Variants in C11orf86 observed in about 807,000 individuals in gnomAD.
C11orf86 encodes the protein uncharacterized protein C11orf86.
A neutral mutation model predicts 11.1 loss-of-function variants in C11orf86; 13 were observed. That is an observed-to-expected ratio of 1.17 (90% CI 0.76 to 1.86). The LOEUF (loss-of-function observed/expected upper bound fraction) is 1.86, where lower values mean the gene tolerates loss of function less well. C11orf86 is among the 40% of genes most tolerant of loss of function. C11orf86 has a pLI of 0.00. For synonymous variants in C11orf86, 86 were observed against 64.7 expected, an observed-to-expected ratio of 1.33 and a Z score of -1.58; for missense variants, 144 against 146.5, an observed-to-expected ratio of 0.98 and a Z score of 0.09.
rs776844551 is a variant in C11orf86, at chr11:66,976,218, C to T, written c.318C>T (p.Pro106=). ...GGGAGAGCTTTGTCGCCATCTTCCC[C>T]AGCGTGACTCTGAGTCAGCCGGCCT... ...RRWESFVAIF[P]SVTLSQPASP Residue 106 remains proline, a synonymous_variant, in exon 2 of 2, where the codon CCC becomes CCT. Coordinates refer to ENST00000683896, the MANE Select transcript of C11orf86 (RefSeq NM_001353554.2). 1.2e-5 allele frequency: 18 copies of T among 1,551,282 alleles called. No homozygotes were observed. Among genetic ancestry groups the T allele is most frequent in the Middle Eastern group, 3.3e-4 (2 of 6,014 alleles).
At position 66,976,219 on chromosome 11, in the gene C11orf86, A is replaced by C; in HGVS notation, c.319A>C (p.Ser107Arg). ...GGAGAGCTTTGTCGCCATCTTCCCC[A>C]GCGTGACTCTGAGTCAGCCGGCCTC... ...RWESFVAIFPSVTLSQPASP is the reference protein window; with the variant it reads ...RWESFVAIFPRVTLSQPASP The change falls in exon 2 of 2, where the codon AGC (serine) becomes CGC (arginine). Residue 107 changes from serine (S) to arginine (R), a missense_variant. Coordinates refer to ENST00000683896, the MANE Select transcript of C11orf86 (RefSeq NM_001353554.2). 1 of 1,551,392 alleles carries C rather than the reference A, an allele frequency of 6.4e-7. No homozygotes were observed. Among genetic ancestry groups the C allele is most frequent in the African/African-American group, 1.4e-5 (1 of 73,164 alleles).
In C11orf86 at chr11:66,975,405, C is replaced by T. The variant is rs1949779174; in HGVS notation, c.43C>T (p.Pro15Ser). ...AAGTCAGTCCTTGCGAGAGCCCCGA[C>T]CCTCCTATGGAAAGCTGCAGGAGCC... ...LRSQSLREPR[P>S]SYGKLQEPWG... is the part of the protein sequence containing the mutation. The change falls in exon 1 of 2, where the codon CCC becomes TCC. Residue 15 changes from proline (P) to serine (S), a missense_variant. Transcript: ENST00000683896. 1 of 1,550,856 alleles carries T rather than the reference C, an allele frequency of 6.4e-7. No individual in the cohort carries two copies.
intron 1 of C11orf86, 34 bp downstream of exon 1, chr11:66,975,672 C>T: frequency 6.5e-7 from 1 of 1,534,974 alleles, no homozygotes; most frequent in Non-Finnish European, 8.8e-7. Context: ...GAGGGTACCA[C>T]AGCAGGTGGG....
At chr11:66,975,936 G>A (rs1444837528) in intron 1 of C11orf86, among the ~76,000 whole-genome samples, 1 of 152,158 alleles carries the variant, frequency 6.6e-6, no homozygotes, top group Non-Finnish European at 1.5e-5. Flanking sequence ...TAGAGCAGGA[G>A]GCAAGGAGAT....
rs919760750 is a variant in C11orf86 at position 66,976,579 on chromosome 11, G to T, written c.*328G>T. The stretch of plus-strand genomic sequence containing the variant: ...TTTAGAAGAAGCCTGCCCGGAATGG[G>T]GGCTGTGGACGCTCCTGCCCCACAC... On this transcript the variant is annotated 3_prime_UTR_variant, in exon 2 of 2. Coordinates refer to ENST00000683896, the MANE Select transcript of C11orf86 (RefSeq NM_001353554.2). 4 of 325,368 alleles carry T rather than the reference G, an allele frequency of 1.2e-5. No homozygotes were observed. The highest frequency in any genetic ancestry group is 8.5e-5 in the Admixed American group (2 of 23,632). The allele number at this position is 325,368 out of a possible 1,614,324, so 20.2% of individuals were successfully genotyped here.
At chr11:66,976,092 T>C in intron 1 of C11orf86, 85 bp from the exon 2 acceptor site, 1 of 1,329,642 alleles carries the variant, frequency 7.5e-7, no homozygotes, top group Non-Finnish European at 1.1e-6. Context: ...CTACCTGGGG[T>C]CTACCCCCAC....
chr11:66,975,554 G>A lies in C11orf86; in HGVS notation c.192G>A (p.Arg64=), dbSNP rs776069089. Reference sequence around the variant, plus strand: ...GGCCAGATGCCACTGCCCAGGAGCGGGTGCCGGGGAGCCTGGGGGACACAG... The same window carrying A: ...GGCCAGATGCCACTGCCCAGGAGCGAGTGCCGGGGAGCCTGGGGGACACAG... ...TEGPDATAQE[R]VPGSLGDTEQ... is the part of the protein sequence containing the mutation. The change falls in exon 1 of 2, where the codon CGG becomes CGA. Residue 64 remains arginine (R), a synonymous_variant. Transcript: ENST00000683896. The A allele has an allele frequency of 1.2e-5, 18 of 1,551,412 alleles. No homozygotes were observed. The South Asian group carries it at 1.9e-4, about 16-fold the overall frequency.
At position 66,975,566 on chromosome 11, in the gene C11orf86, C is replaced by T. The variant is rs1949782222; in HGVS notation, c.204C>T (p.Ser68=). ...CTGCCCAGGAGCGGGTGCCGGGGAG[C>T]CTGGGGGACACAGAGCAGCTGATCC... is the stretch of plus-strand genomic sequence containing the variant. ...DATAQERVPG[S]LGDTEQLIQA... The change falls in exon 1 of 2, where the codon AGC becomes AGT. Residue 68 remains serine, a synonymous_variant. Coordinates refer to ENST00000683896, the MANE Select transcript of C11orf86 (RefSeq NM_001353554.2). The T allele has an allele frequency of 6.4e-7, 1 of 1,551,440 alleles. No individual in the cohort carries two copies. Among genetic ancestry groups the T allele is most frequent in the Non-Finnish European group, 8.7e-7 (1 of 1,146,910 alleles).
At position 66,976,327 on chromosome 11, in the gene C11orf86, T is replaced by C. The variant is rs968245531; in HGVS notation, c.*76T>C. On this transcript the variant is annotated 3_prime_UTR_variant, in exon 2 of 2. Coordinates refer to ENST00000683896, the MANE Select transcript of C11orf86 (RefSeq NM_001353554.2). ...TTGCTGTGCCTGGACCAGCCCACCGTGTCTGCTGACCTACCTCTTCACAGC... is the reference window on the plus strand; with the variant it reads ...TTGCTGTGCCTGGACCAGCCCACCGCGTCTGCTGACCTACCTCTTCACAGC... 2.3e-5 allele frequency: 34 copies of C among 1,455,942 alleles called. No individual in the cohort carries two copies. Among genetic ancestry groups the C allele is most frequent in the Non-Finnish European group, 3.1e-5 (33 of 1,069,208 alleles). The allele number at this position is 1,455,942 out of a possible 1,614,324, so 90.2% of individuals were successfully genotyped here.
Position 66,975,476 on chromosome 11 carries a change from C to T in C11orf86, c.114C>T (p.Leu38=). 2 of 1,551,388 alleles carry T rather than the reference C, an allele frequency of 1.3e-6. No homozygotes were observed. The highest frequency in any genetic ancestry group is 1.7e-6 in the Non-Finnish European group (2 of 1,146,924). Residue 38 remains leucine (L), a synonymous_variant, in exon 1 of 2, where the codon CTC becomes CTT. Coordinates refer to ENST00000683896, the MANE Select transcript of C11orf86 (RefSeq NM_001353554.2). Reference sequence around the variant, plus strand: ...GCCAACTCCGCAGGGCGCTAAGCCTCAGACAGGGGCAAGAGAAGTCCAGGT... The same window carrying T: ...GCCAACTCCGCAGGGCGCTAAGCCTTAGACAGGGGCAAGAGAAGTCCAGGT... ...QEGQLRRALS[L]RQGQEKSRSQ...
At chr11:66,975,783 A>G in intron 1 of C11orf86, 145 bp downstream of exon 1, 2 of 1,258,344 alleles carry the variant, frequency 1.6e-6, no homozygotes, top group Non-Finnish European at 1.1e-6. Context: ...AGAGAGAGAC[A>G]CCCCAGAGCC....
In C11orf86 at chr11:66,975,488, A is replaced by G. The variant is rs544040385; in HGVS notation, c.126A>G (p.Gln42=). ...LRRALSLRQG[Q]EKSRSQGLER... is the part of the protein sequence containing the mutation. Reference sequence around the variant, plus strand: ...GGGCGCTAAGCCTCAGACAGGGGCAAGAGAAGTCCAGGTCCCAGGGCCTCG... The same window carrying G: ...GGGCGCTAAGCCTCAGACAGGGGCAGGAGAAGTCCAGGTCCCAGGGCCTCG... Residue 42 remains glutamine, a synonymous_variant, in exon 1 of 2, where the codon CAA becomes CAG. Transcript: ENST00000683896. 4,246 of 1,551,500 alleles carry G rather than the reference A, an allele frequency of 2.7e-3. 13 individuals are homozygous for G. Among genetic ancestry groups the G allele is most frequent in the Middle Eastern group, 4.0e-3 (24 of 5,986 alleles).
chr11:66,976,480 G>C lies in C11orf86; in HGVS notation c.*229G>C. On this transcript the variant is annotated 3_prime_UTR_variant, in exon 2 of 2. Coordinates refer to ENST00000683896, the MANE Select transcript of C11orf86 (RefSeq NM_001353554.2). ...TAGCTCTCTTTGAAGATCCCAGCAG[G>C]GTCAAAAAGAAGGGGGCTCAGCTGT... 1 of 568,336 alleles carries C rather than the reference G, an allele frequency of 1.8e-6. No homozygotes were observed. Among genetic ancestry groups the C allele is most frequent in the South Asian group, 2.3e-5 (1 of 44,294 alleles). 35.2% of individuals were successfully genotyped at this position (568,336 alleles called of 1,614,324 possible).
At position 66,975,398 on chromosome 11, in the gene C11orf86, GC is replaced by G; in HGVS notation, c.40del (p.Arg14AspfsTer23). 3 of 1,550,756 alleles carry G rather than the reference GC, an allele frequency of 1.9e-6. No homozygotes were observed. Among genetic ancestry groups the G allele is most frequent in the East Asian group, 4.9e-5 (2 of 40,908 alleles). ...TGLRSQSLRE[P>X]RPSYGKLQEP... ...GGCTGCGAAGTCAGTCCTTGCGAGA[GC>G]CCCGACCCTCCTATGGAAAGCTGCA... is the stretch of plus-strand genomic sequence containing the variant. On this transcript the variant is annotated frameshift_variant, in exon 1 of 2. Coordinates refer to ENST00000683896, the MANE Select transcript of C11orf86 (RefSeq NM_001353554.2). LOFTEE classifies it high-confidence loss of function.
At position 66,976,834 on chromosome 11, in the gene C11orf86, C is replaced by G. The variant is rs564890414; in HGVS notation, c.*583C>G. 6.5e-6 allele frequency: 1 copy of G among 152,698 alleles called. No individual in the cohort carries two copies. The highest frequency in any genetic ancestry group is 1.5e-5 in the Non-Finnish European group (1 of 68,398). 9.5% of individuals were successfully genotyped at this position (152,698 alleles called of 1,614,324 possible). ...CTGTGCTGAAAACCTTTGAACCTCA[C>G]GGTGTCCTGATGAAGGAAGCAGAGG... On this transcript the variant is annotated 3_prime_UTR_variant, in exon 2 of 2. Coordinates refer to ENST00000683896, the MANE Select transcript of C11orf86 (RefSeq NM_001353554.2).
chr11:66,975,769 G>A lies in C11orf86; in HGVS notation c.276+131G>A, dbSNP rs78538878. 705 of 1,360,904 alleles carry A rather than the reference G, an allele frequency of 5.2e-4. 2 individuals carry two copies. In the African/African-American group the frequency reaches 9.3e-3, roughly 18 times the overall value. 84.3% of individuals were successfully genotyped at this position (1,360,904 alleles called of 1,614,324 possible). A position where few individuals can be genotyped will look rare whatever the true frequency, so the allele number is the denominator to read the frequency against. ...ACAACCGAGCTGCCTGGAGATGAGG[G>A]TGCAGAGAGAGACACCCCAGAGCCA... On this transcript the variant is annotated intron_variant, in intron 1 of 1. Coordinates refer to ENST00000683896, the MANE Select transcript of C11orf86 (RefSeq NM_001353554.2).
At position 66,975,466 on chromosome 11, in the gene C11orf86, C is replaced by T. The variant is rs747999511; in HGVS notation, c.104C>T (p.Ala35Val). The change falls in exon 1 of 2, where the codon GCG (alanine) becomes GTG (valine). Residue 35 changes from alanine to valine, a missense_variant. Physicochemically the swap from Ala to Val is moderately conservative, Grantham distance 64. Coordinates refer to ENST00000683896, the MANE Select transcript of C11orf86 (RefSeq NM_001353554.2). ...GRPQEGQLRR[A>V]LSLRQGQEKS... The stretch of plus-strand genomic sequence containing the variant: ...CCCCAGGAGGGCCAACTCCGCAGGG[C>T]GCTAAGCCTCAGACAGGGGCAAGAG... 22 of 1,551,128 alleles carry T rather than the reference C, an allele frequency of 1.4e-5. No individual in the cohort carries two copies. Among genetic ancestry groups the T allele is most frequent in the African/African-American group, 8.2e-5 (6 of 73,024 alleles).
Position 66,975,348 on chromosome 11 carries a change from G to T in C11orf86, c.-15G>T, listed in dbSNP as rs1328645669. On this transcript the variant is annotated 5_prime_UTR_variant, in exon 1 of 2. Transcript: ENST00000683896. ...GAGGGGCCGGAGCAGTCCTGTGCCT[G>T]CAGCCTCCGGAGCCATGGGAACAGG... 1.9e-6 allele frequency: 3 copies of T among 1,542,020 alleles called. No individual in the cohort carries two copies. Among genetic ancestry groups the T allele is most frequent in the South Asian group, 1.2e-5 (1 of 82,558 alleles).
rs1192040068 is a variant in C11orf86, at chr11:66,975,572, G to A, written c.210G>A (p.Gly70=). ...AGGAGCGGGTGCCGGGGAGCCTGGG[G>A]GACACAGAGCAGCTGATCCAAGCCC... ...TAQERVPGSL[G]DTEQLIQAQR... Residue 70 remains glycine (G), a synonymous_variant, in exon 1 of 2, where the codon GGG becomes GGA. Transcript: ENST00000683896. 6.4e-7 allele frequency: 1 copy of A among 1,551,338 alleles called. No homozygotes were observed. The highest frequency in any genetic ancestry group is 2.4e-5 in the East Asian group (1 of 40,932).
Sources: allele counts gnomAD v4.1 joint callset (sites outside exome capture counted in the v4.1 genomes callset), GRCh38; gene constraint gnomAD v4.1.1; transcripts MANE v1.5; gene names NCBI Gene and HGNC (gene_info 2026-07-23, HGNC 2026-07-21).